FLRT1: variants seen among roughly 807,000 people sequenced by gnomAD.
FLRT1 encodes the protein fibronectin leucine rich transmembrane protein 1.
A neutral mutation model predicts 30.9 loss-of-function variants in FLRT1; 14 were observed. The observed-to-expected ratio is 0.45, with a 90% CI of 0.30 to 0.71. The LOEUF (loss-of-function observed/expected upper bound fraction) is 0.71. Ranked by LOEUF, FLRT1 falls within the 30% of genes least tolerant of loss-of-function variation. The pLI is 0.08. For synonymous variants in FLRT1, 368 were observed against 430.4 expected, an observed-to-expected ratio of 0.85 and a Z score of 1.80; for missense variants, 737 against 949.2, an observed-to-expected ratio of 0.78 and a Z score of 2.94.
intron 2 of FLRT1, 149 bp from the exon 3 acceptor site, chr11:64,116,070 G>A: frequency 1.4e-6 from 1 of 739,884 alleles, no homozygotes; most frequent in South Asian, 2.2e-5. Flanking sequence ...CTGGCACAAA[G>A]GCCACTCCTC....
chr11:64,044,774 C>T (rs1010231108), intron 1 of FLRT1, among the ~76,000 whole-genome samples: 2 of 152,164 alleles, frequency 1.3e-5, no homozygotes, highest in East Asian at 1.9e-4. Flanking sequence ...GCTCCCCCCT[C>T]ACCAGACCCC....
At position 64,113,417 on chromosome 11, in the gene FLRT1, C is replaced by CATGGATGG. The variant is rs71045732; in HGVS notation, c.-49-2776_-49-2769dup. On this transcript the variant is annotated intron_variant, in intron 2 of 2. Transcript: ENST00000682287. ...GCATGTGTGAATGGACAGGTTGATGCATGGATGGATGGATGGATGGATGGA... is the reference window on the plus strand; with the variant it reads ...GCATGTGTGAATGGACAGGTTGATGCATGGATGGATGGATGGATGGATGGATGGATGGA... Among the ~76,000 whole-genome samples, 784 of 144,804 alleles carry CATGGATGG rather than the reference C, an allele frequency of 5.4e-3. 3 individuals carry two copies. Among genetic ancestry groups the CATGGATGG allele is most frequent in the Middle Eastern group, 0.011 (3 of 270 alleles). The allele number at this position is 144,804 out of a possible 152,430, so 95.0% of individuals were successfully genotyped here.
At chr11:64,099,083 T>C (rs996185626) in intron 1 of FLRT1, among the ~76,000 whole-genome samples, 1 of 152,236 alleles carries the variant, frequency 6.6e-6, no homozygotes, top group Non-Finnish European at 1.5e-5. Flanking sequence ...CTCTAGAAGA[T>C]AGGCAGGTGG....
At chr11:64,070,508 A>C (rs1944087314) in intron 1 of FLRT1, among the ~76,000 whole-genome samples, 2 of 152,208 alleles carry the variant, frequency 1.3e-5, no homozygotes, top group African/African-American at 2.4e-5. Context: ...GCAGGAATGC[A>C]GGCCATGGGA....
intron 1 of FLRT1, among the ~76,000 whole-genome samples, chr11:64,083,899 G>C (rs774840611): frequency 4.6e-5 from 7 of 152,210 alleles, no homozygotes; most frequent in Non-Finnish European, 1.0e-4. Flanking sequence ...GCGTGCAGGC[G>C]GGCGTGCGGC....
At chr11:64,084,087 G>T (rs1039718224) in intron 1 of FLRT1, among the ~76,000 whole-genome samples, 3 of 152,190 alleles carry the variant, frequency 2.0e-5, no homozygotes, top group Admixed American at 6.5e-5. Context: ...CTGCCATCCT[G>T]CACACGGGCC....
At chr11:64,085,993 T>C (rs1944386806) in intron 1 of FLRT1, among the ~76,000 whole-genome samples, 1 of 116,622 alleles carries the variant, frequency 8.6e-6, no homozygotes, top group Admixed American at 1.0e-4. Context: ...GCTTGCAGCC[T>C]CAAAGGAGGC....
intron 1 of FLRT1, among the ~76,000 whole-genome samples, chr11:64,053,004 C>T (rs977088486): frequency 2.6e-5 from 4 of 152,248 alleles, no homozygotes; most frequent in Admixed American, 2.0e-4. Context: ...TAATTACATT[C>T]GGTTGCTTAC....
chr11:64,056,023 G>A lies in FLRT1; in HGVS notation c.-1038+19864G>A, dbSNP rs80325499. Among the ~76,000 whole-genome samples, 45 of 152,324 alleles carry A rather than the reference G, an allele frequency of 3.0e-4. No individual in the cohort carries two copies. In the East Asian group the frequency reaches 8.7e-3, roughly 29 times the overall value. On this transcript the variant is annotated intron_variant, in intron 1 of 2. Transcript: ENST00000682287. ...GCCTCAGGCCTCCTGTCCACAGAAT[G>A]GGAGCACAGTTTGTCCTCCCTGTGG...
In FLRT1 at chr11:64,111,793, T is replaced by A. The variant is rs142902901; in HGVS notation, c.-49-4426T>A. On this transcript the variant is annotated intron_variant, in intron 2 of 2. Transcript: ENST00000682287. ...TTCCCATGATCTGGGCCAGTGTCCTTCCCAGTCCCCAATGTAATGAAAGGT... is the reference window on the plus strand; with the variant it reads ...TTCCCATGATCTGGGCCAGTGTCCTACCCAGTCCCCAATGTAATGAAAGGT... 7.7e-4 allele frequency among the ~76,000 whole-genome samples: 117 copies of A among 152,300 alleles called. 1 individual carries two copies. The highest frequency in any genetic ancestry group is 1.6e-4 in the Non-Finnish European group (11 of 68,012).
intron 1 of FLRT1, among the ~76,000 whole-genome samples, chr11:64,070,252 A>G (rs2086467502): frequency 6.6e-6 from 1 of 152,084 alleles, no homozygotes; most frequent in South Asian, 2.1e-4. Flanking sequence ...TACTGATCAG[A>G]GCCCTACCTG....
intron 1 of FLRT1, among the ~76,000 whole-genome samples, chr11:64,085,675 G>A (rs1388605934): frequency 6.6e-6 from 1 of 152,194 alleles, no homozygotes; most frequent in African/African-American, 2.4e-5. Flanking sequence ...TGGGAAGTGG[G>A]ACGGTCACCC....
chr11:64,115,972 G>A (rs527277314), intron 2 of FLRT1, among the ~76,000 whole-genome samples: 5 of 152,324 alleles, frequency 3.3e-5, no homozygotes, highest in East Asian at 1.9e-4. Flanking sequence ...TCATTAATGC[G>A]CAGCCTCTTG....
chr11:64,058,264 C>T (rs1056389170), intron 1 of FLRT1, among the ~76,000 whole-genome samples: 2 of 152,250 alleles, frequency 1.3e-5, no homozygotes, highest in East Asian at 1.9e-4. Context: ...AGGGTGCTCT[C>T]GGATGAGCAG....
chr11:64,116,607 T>C lies in FLRT1; in HGVS notation c.340T>C (p.Tyr114His). ...GGTCAACGTGCAGGTCATCTACCTA[T>C]ACGAGAATGACCTGGATGAGTTCCC... ...TKVNVQVIYL[Y>H]ENDLDEFPIN... The change falls in exon 3 of 3, where the codon TAC becomes CAC. Residue 114 changes from tyrosine to histidine, a missense_variant. Tyr to His is a moderately conservative substitution (Grantham distance 83, BLOSUM62 2). Transcript: ENST00000682287. The C allele has an allele frequency of 6.2e-7, 1 of 1,614,122 alleles. No individual in the cohort carries two copies. The highest frequency in any genetic ancestry group is 1.3e-5 in the African/African-American group (1 of 75,026).
intron 1 of FLRT1, among the ~76,000 whole-genome samples, chr11:64,050,533 A>T (rs933331555): frequency 1.3e-5 from 2 of 152,148 alleles, no homozygotes; most frequent in Non-Finnish European, 2.9e-5. Flanking sequence ...TCTGTTCCCA[A>T]GGGTCACCTG....
Position 64,117,117 on chromosome 11 carries a change from C to T in FLRT1, c.850C>T (p.His284Tyr). The part of the protein sequence containing the change: ...KLYLQDNAIS[H>Y]IPYNTLAKMR... ...CTACCTGCAGGACAATGCCATCAGC[C>T]ACATCCCCTACAACACGCTGGCCAA... The change falls in exon 3 of 3, where the codon CAC becomes TAC. Residue 284 changes from histidine (H) to tyrosine (Y), a missense_variant. Coordinates refer to ENST00000682287, the MANE Select transcript of FLRT1 (RefSeq NM_013280.5). 2 of 1,610,080 alleles carry T rather than the reference C, an allele frequency of 1.2e-6. No individual in the cohort carries two copies. Among genetic ancestry groups the T allele is most frequent in the Non-Finnish European group, 1.7e-6 (2 of 1,178,182 alleles).
chr11:64,079,898 C>G (rs538608016), intron 1 of FLRT1, among the ~76,000 whole-genome samples: 1 of 152,092 alleles, frequency 6.6e-6, no homozygotes, highest in Non-Finnish European at 1.5e-5. Flanking sequence ...TGTCTTCAGT[C>G]GTAAATGAGG....
intron 1 of FLRT1, among the ~76,000 whole-genome samples, chr11:64,065,609 G>C (rs562958537): frequency 7.0e-4 from 92 of 131,694 alleles, no homozygotes; most frequent in African/African-American, 2.2e-3. Flanking sequence ...CTAACACGGT[G>C]AAACCCAGTC....
Sources: allele counts gnomAD v4.1 joint callset (sites outside exome capture counted in the v4.1 genomes callset), GRCh38; gene constraint gnomAD v4.1.1; transcripts MANE v1.5; gene names NCBI Gene and HGNC (gene_info 2026-07-23, HGNC 2026-07-21).